Variants in TSPEAR observed in about 807,000 individuals in gnomAD.
TSPEAR encodes thrombospondin-type laminin G domain and EAR repeat-containing protein.
TSPEAR carries 69 observed loss-of-function variants against 71.6 expected under a neutral mutation model. The observed-to-expected ratio is 0.96, with a 90% CI of 0.79 to 1.18. The LOEUF (loss-of-function observed/expected upper bound fraction) is 1.18, where lower values mean the gene tolerates loss of function less well. TSPEAR is among the 50% of genes most tolerant of loss of function. The pLI, the probability that TSPEAR is intolerant of heterozygous loss-of-function variation, is 0.00. For missense variants in TSPEAR, 971 were observed against 894.9 expected (o/e 1.09, Z -1.09); for synonymous variants, 402 against 387.2 (o/e 1.04, Z -0.45).
chr21:44,524,234 G>A (rs1450312720), intron 8 of TSPEAR, among the ~76,000 whole-genome samples: 1 of 151,960 alleles, frequency 6.6e-6, no homozygotes, highest in East Asian at 1.9e-4. Flanking sequence ...CAGTCAGTCA[G>A]TGAGGTAGTC....
intron 1 of TSPEAR, among the ~76,000 whole-genome samples, chr21:44,668,882 TAACTC>T (rs1555945344): frequency 6.6e-6 from 1 of 152,182 alleles, no homozygotes; most frequent in African/African-American, 2.4e-5. Flanking sequence ...TATACAAAAT[TAACTC>T]AAGATCAAAG....
chr21:44,703,609 C>T (rs1440340467), intron 1 of TSPEAR, among the ~76,000 whole-genome samples: 1 of 152,210 alleles, frequency 6.6e-6, no homozygotes, highest in Admixed American at 6.5e-5. Flanking sequence ...ACTGAAATGG[C>T]CAACGCCTTC....
At chr21:44,561,756 A>G (rs2053636540) in intron 2 of TSPEAR, among the ~76,000 whole-genome samples, 2 of 152,230 alleles carry the variant, frequency 1.3e-5, no homozygotes, top group African/African-American at 4.8e-5. Flanking sequence ...TAGATGCAGA[A>G]AAGGCCTTCA....
chr21:44,555,797 C>T (rs587695922), intron 2 of TSPEAR, among the ~76,000 whole-genome samples: 13 of 152,280 alleles, frequency 8.5e-5, no homozygotes, highest in South Asian at 6.2e-4. Context: ...CCCTTCCTGC[C>T]ATGCCTGCTC....
At chr21:44,708,040 CACACA>C (rs1988027228) in intron 1 of TSPEAR, among the ~76,000 whole-genome samples, 1 of 128,142 alleles carries the variant, frequency 7.8e-6, no homozygotes, top group Non-Finnish European at 1.7e-5. Flanking sequence ...CACACACACA[CACACA>C]CCACACAGCA....
intron 1 of TSPEAR, among the ~76,000 whole-genome samples, chr21:44,569,955 T>C (rs2053767215): frequency 6.6e-6 from 1 of 152,094 alleles, no homozygotes; most frequent in African/African-American, 2.4e-5. Flanking sequence ...CGTTGCGTCC[T>C]GGGTCCCCTG....
intron 1 of TSPEAR, among the ~76,000 whole-genome samples, chr21:44,610,462 A>C (rs1981589705): frequency 6.6e-6 from 1 of 152,248 alleles, no homozygotes; most frequent in South Asian, 2.1e-4. Context: ...GGTGCACAGA[A>C]GTCAAGAATT....
At chr21:44,671,038 C>A (rs141313146) in intron 1 of TSPEAR, among the ~76,000 whole-genome samples, 2 of 152,228 alleles carry the variant, frequency 1.3e-5, no homozygotes, top group Non-Finnish European at 2.9e-5. Context: ...GCACTGCACC[C>A]TCAGTGCCCA....
At chr21:44,519,682 AT>A (rs1358462292) in intron 9 of TSPEAR, 2 of 152,312 alleles carry the variant, frequency 1.3e-5, no homozygotes, top group Non-Finnish European at 2.9e-5. Context: ...CAAGGAACTT[AT>A]GCTCAGCTCT....
intron 1 of TSPEAR, among the ~76,000 whole-genome samples, chr21:44,588,777 ATGTGTG>A (rs1168276509): frequency 4.3e-4 from 47 of 108,872 alleles, no homozygotes; most frequent in Non-Finnish European, 4.6e-4. Context: ...ATATATATGT[ATGTGTG>A]TGTGTATATA....
Position 44,711,187 on chromosome 21 carries a change from C to T in TSPEAR, c.82+246G>A, listed in dbSNP as rs1415641144. Among the ~76,000 whole-genome samples, 1 of 152,166 alleles carries T rather than the reference C, an allele frequency of 6.6e-6. No individual in the cohort carries two copies. The highest frequency in any genetic ancestry group is 2.4e-5 in the African/African-American group (1 of 41,432). ...CTGCTGGTTAGCTCTTGAAGCTCGT[C>T]CCCACCCTGCGTGCGTTCTAAAGAG... On this transcript the variant is annotated intron_variant, in intron 1 of 11. Transcript: ENST00000323084. This position sits in a 1 kb window ranked among gnomAD's most constrained non-coding sequence, Gnocchi z 4.5.
At chr21:44,706,112 C>T (rs763225207) in intron 1 of TSPEAR, among the ~76,000 whole-genome samples, 4 of 152,208 alleles carry the variant, frequency 2.6e-5, no homozygotes, top group Non-Finnish European at 5.9e-5. Flanking sequence ...CAGATCGAGG[C>T]CTAGTGCGAG....
chr21:44,509,758 G>T lies in TSPEAR; in HGVS notation c.1567-372C>A, dbSNP rs587674738. 1.2e-4 allele frequency: 33 copies of T among 267,274 alleles called. No homozygotes were observed. The South Asian group carries it at 1.4e-3, about 11-fold the overall frequency. 16.6% of individuals were successfully genotyped at this position (267,274 alleles called of 1,614,324 possible). A position where few individuals can be genotyped will look rare whatever the true frequency, so the allele number is the denominator to read the frequency against. On this transcript the variant is annotated intron_variant, in intron 9 of 11. Transcript: ENST00000323084. Reference sequence around the variant, plus strand: ...TGAATGTTAGTGCCAGCTGTGCCCAGCCCTGCCCCTAGCGACCATCTGTGT... The same window carrying T: ...TGAATGTTAGTGCCAGCTGTGCCCATCCCTGCCCCTAGCGACCATCTGTGT...
intron 1 of TSPEAR, among the ~76,000 whole-genome samples, chr21:44,608,945 C>T (rs1981484253): frequency 6.6e-6 from 1 of 152,048 alleles, no homozygotes. Context: ...TTAACAGCAG[C>T]CCAAATCTGG....
rs587699794 is a variant in TSPEAR, at chr21:44,627,910, G to A, written c.83-59905C>T. ...GTGCAGGCCCGCCTGCTGCGTGCCC[G>A]TCTCCTCCTGCTGTGCCCCCACCTC... On this transcript the variant is annotated intron_variant, in intron 1 of 11. Coordinates refer to ENST00000323084, the MANE Select transcript of TSPEAR (RefSeq NM_144991.3). The A allele has an allele frequency of 5.6e-5, 85 of 1,519,480 alleles. No individual in the cohort carries two copies. Among genetic ancestry groups the A allele is most frequent in the South Asian group, 7.3e-5 (6 of 81,896 alleles). The allele number at this position is 1,519,480 out of a possible 1,614,324, so 94.1% of individuals were successfully genotyped here.
At chr21:44,679,046 G>C (rs1192621451) in intron 1 of TSPEAR, among the ~76,000 whole-genome samples, 1 of 152,148 alleles carries the variant, frequency 6.6e-6, no homozygotes. Context: ...GGTCTACAGA[G>C]CCCTTCTAAA....
chr21:44,527,410 G>C lies in TSPEAR; in HGVS notation c.1031C>G (p.Thr344Arg). Residue 344 changes from threonine to arginine, a missense_variant, in exon 7 of 12, where the codon ACA becomes AGA. By Grantham distance (71) the Thr-to-Arg change is moderately conservative. Coordinates refer to ENST00000323084, the MANE Select transcript of TSPEAR (RefSeq NM_144991.3). ...GGCGGATGTGGCTTTGCGATTGGCT[G>C]TGGCCACAAAGAGCCCCACCTGAGG... ...RIPQVGLFVATANRKATSAVY... is the reference protein window; with the variant it reads ...RIPQVGLFVARANRKATSAVY... 6.2e-7 allele frequency: 1 copy of C among 1,614,216 alleles called. No individual in the cohort carries two copies. The highest frequency in any genetic ancestry group is 8.5e-7 in the Non-Finnish European group (1 of 1,180,042).
At chr21:44,683,204 T>C (rs1555948393) in intron 1 of TSPEAR, among the ~76,000 whole-genome samples, 1 of 151,936 alleles carries the variant, frequency 6.6e-6, no homozygotes, top group African/African-American at 2.4e-5. Context: ...TACAGAGTGT[T>C]CCAAGTTGTA....
In TSPEAR at chr21:44,541,864, T is replaced by C. The variant is rs1167916394; in HGVS notation, c.304-7941A>G. On this transcript the variant is annotated intron_variant, in intron 2 of 11. Coordinates refer to ENST00000323084, the MANE Select transcript of TSPEAR (RefSeq NM_144991.3). ...GCCTCCCAGAAACAAAAGTGATCTC[T>C]TCTGGAGACAGCAGCATCAACAGAG... is the stretch of plus-strand genomic sequence containing the variant. Among the ~76,000 whole-genome samples, 2 of 152,240 alleles carry C rather than the reference T, an allele frequency of 1.3e-5. 1 individual carries two copies. The highest frequency in any genetic ancestry group is 2.9e-5 in the Non-Finnish European group (2 of 68,040).
Sources: gnomAD v4.1 joint callset for allele counts (sites outside exome capture counted in the v4.1 genomes callset) on GRCh38, gnomAD v4.1.1 for gene constraint, Gnocchi (gnomAD v3.1) non-coding constraint, MANE v1.5 for transcripts, NCBI Gene and HGNC (gene_info 2026-07-23, HGNC 2026-07-21) for gene names.